Variants in PLEKHG1 observed in about 807,000 individuals in gnomAD.
PLEKHG1 encodes pleckstrin homology and RhoGEF domain containing G1.
In PLEKHG1, 44 loss-of-function variants were observed where a neutral mutation model predicts 100.8. The ratio of observed to expected loss-of-function variants is 0.44; its 90% CI spans 0.34 to 0.56. The LOEUF is 0.56. Among genes scored for constraint, PLEKHG1 ranks in the 20% least tolerant of loss-of-function variants. PLEKHG1 has a pLI of 0.01. For synonymous variants in PLEKHG1, 640 were observed against 662.5 expected, an observed-to-expected ratio of 0.97 and a Z score of 0.52; for missense variants, 1,545 against 1,720.9, an observed-to-expected ratio of 0.90 and a Z score of 1.81.
At chr6:150,618,480 A>C (rs1347948700) in intron 1 of PLEKHG1, among the ~76,000 whole-genome samples, 2 of 152,206 alleles carry the variant, frequency 1.3e-5, no homozygotes, top group African/African-American at 4.8e-5. Flanking sequence ...GGCTGATATC[A>C]AGCTGCCAGT....
At chr6:150,611,507 G>A (rs576534647) in intron 1 of PLEKHG1, among the ~76,000 whole-genome samples, 8 of 152,218 alleles carry the variant, frequency 5.3e-5, no homozygotes, top group South Asian at 2.1e-4. Context: ...TTTAGTTGCC[G>A]TGCCTATTAG....
At chr6:150,603,882 G>T (rs962860407) in intron 1 of PLEKHG1, among the ~76,000 whole-genome samples, 1 of 152,192 alleles carries the variant, frequency 6.6e-6, no homozygotes, top group Non-Finnish European at 1.5e-5. Flanking sequence ...AATTTGAAGA[G>T]TGTTAATGGT....
chr6:150,720,924 G>A (rs953057371), upstream of PLEKHG1, among the ~76,000 whole-genome samples: 2 of 152,142 alleles, frequency 1.3e-5, no homozygotes, highest in African/African-American at 4.8e-5. Flanking sequence ...GGTGTCTATT[G>A]TCCTGTTTCT....
At chr6:150,610,386 G>A (rs1272799202) in intron 1 of PLEKHG1, among the ~76,000 whole-genome samples, 2 of 152,236 alleles carry the variant, frequency 1.3e-5, no homozygotes, top group African/African-American at 4.8e-5. Context: ...ACAGGTGTGA[G>A]CCACTGCATC....
chr6:150,756,271 GT>G (rs1366653015), intron 2 of PLEKHG1, among the ~76,000 whole-genome samples: 153 of 152,286 alleles, frequency 1.0e-3, no homozygotes, highest in Middle Eastern at 6.8e-3. Flanking sequence ...CATCTGCACG[GT>G]GCCTCTGCCT....
At chr6:150,788,172 A>G (rs935775789) in intron 4 of PLEKHG1, among the ~76,000 whole-genome samples, 1 of 152,204 alleles carries the variant, frequency 6.6e-6, no homozygotes, top group African/African-American at 2.4e-5. Flanking sequence ...TTTTCATTGT[A>G]ATATTGCCAA....
intron 3 of PLEKHG1, among the ~76,000 whole-genome samples, chr6:150,684,211 A>G (rs552715402): frequency 7.9e-5 from 12 of 152,330 alleles, no homozygotes; most frequent in Middle Eastern, 3.4e-3. Flanking sequence ...CCCTGGCACT[A>G]TCTTAGACCT....
intron 3 of PLEKHG1, among the ~76,000 whole-genome samples, chr6:150,667,120 TGCTTAGGGATGCCAA>T (rs1779418046): frequency 6.6e-6 from 1 of 152,078 alleles, no homozygotes; most frequent in African/African-American, 2.4e-5. Context: ...GTGTGTACAA[TGCTTAGGGATGCCAA>T]GCTATTTAAA....
chr6:150,629,391 T>G (rs1777649908), intron 1 of PLEKHG1, among the ~76,000 whole-genome samples: 1 of 152,170 alleles, frequency 6.6e-6, no homozygotes, highest in South Asian at 2.1e-4. Flanking sequence ...CAATTAAGAT[T>G]TCCCTATAGC....
intron 3 of PLEKHG1, among the ~76,000 whole-genome samples, chr6:150,674,883 A>G (rs1310507355): frequency 1.3e-5 from 2 of 152,006 alleles, no homozygotes; most frequent in East Asian, 1.9e-4. Context: ...GGGTTTCGCC[A>G]TGTTGGCCAG....
rs1776522854 is a variant in PLEKHG1 at position 150,604,864 on chromosome 6, T to C, written c.-204+4847T>C. Reference sequence around the variant, plus strand: ...GTTGACACAGACCACAGATAACTCCTATGAAATGAGGCCCAAACCTCTGAG... The same window carrying C: ...GTTGACACAGACCACAGATAACTCCCATGAAATGAGGCCCAAACCTCTGAG... On this transcript the variant is annotated intron_variant, in intron 1 of 3. Coordinates refer to the PLEKHG1 transcript ENST00000367326. Among the ~76,000 whole-genome samples, 5 of 152,316 alleles carry C rather than the reference T, an allele frequency of 3.3e-5. 1 individual carries two copies. In the South Asian group the frequency reaches 1.0e-3, roughly 32 times the overall value.
intron 1 of PLEKHG1, among the ~76,000 whole-genome samples, chr6:150,612,912 C>T (rs530792971): frequency 2.6e-5 from 4 of 152,302 alleles, no homozygotes; most frequent in African/African-American, 7.2e-5. Flanking sequence ...GCTTAGACCT[C>T]GCCTTCTACC....
At chr6:150,609,077 T>A (rs1382649803) in intron 1 of PLEKHG1, among the ~76,000 whole-genome samples, 1 of 152,206 alleles carries the variant, frequency 6.6e-6, no homozygotes, top group African/African-American at 2.4e-5. Flanking sequence ...TTAAGTTTCC[T>A]AAGGCAAAAG....
At chr6:150,768,582 A>C in intron 2 of PLEKHG1, 56 bp from the exon 4 acceptor site, 3 of 916,526 alleles carry the variant, frequency 3.3e-6, no homozygotes, top group Non-Finnish European at 5.4e-6. Context: ...GGCATAATTA[A>C]AGATGACTTG....
intron 3 of PLEKHG1, among the ~76,000 whole-genome samples, chr6:150,714,787 A>G (rs1781361914): frequency 6.6e-6 from 1 of 151,866 alleles, no homozygotes; most frequent in Admixed American, 6.6e-5. Flanking sequence ...TGTCTGCTTT[A>G]GACCTATGTC....
At chr6:150,687,283 G>A (rs1447754124) in intron 3 of PLEKHG1, among the ~76,000 whole-genome samples, 1 of 152,004 alleles carries the variant, frequency 6.6e-6, no homozygotes, top group East Asian at 1.9e-4. Context: ...TTGTTCTGTG[G>A]TATTTGTGTT....
intron 3 of PLEKHG1, among the ~76,000 whole-genome samples, chr6:150,695,233 C>T (rs1780499144): frequency 6.6e-6 from 1 of 152,140 alleles, no homozygotes; most frequent in Admixed American, 6.5e-5. Flanking sequence ...ATGGTTTGTG[C>T]TTCTAGAACT....
chr6:150,784,430 G>A (rs999755297), intron 3 of PLEKHG1, among the ~76,000 whole-genome samples: 18 of 152,160 alleles, frequency 1.2e-4, no homozygotes, highest in African/African-American at 2.4e-4. Flanking sequence ...GACATCATTA[G>A]CCAAGTGCGA....
At chr6:150,787,554 C>T (rs1302963583) in intron 4 of PLEKHG1, among the ~76,000 whole-genome samples, 2 of 152,154 alleles carry the variant, frequency 1.3e-5, no homozygotes, top group Admixed American at 6.5e-5. Context: ...TTGAAATGCA[C>T]GAAGGTTTAA....
Sources: gnomAD v4.1 joint callset for allele counts (sites outside exome capture counted in the v4.1 genomes callset) on GRCh38, gnomAD v4.1.1 for gene constraint, MANE v1.5 for transcripts, NCBI Gene and HGNC (gene_info 2026-07-23, HGNC 2026-07-21) for gene names.